PCDHGB7: variants seen among roughly 807,000 people sequenced by gnomAD.
The protein encoded by PCDHGB7 is protocadherin gamma-B7.
A neutral mutation model predicts 61.4 loss-of-function variants in PCDHGB7; 37 were observed. The observed-to-expected ratio is 0.60, with a 90% CI of 0.46 to 0.79. PCDHGB7 has a LOEUF of 0.79. PCDHGB7 is among the 30% of genes least tolerant of loss of function. The pLI is 0.00. For synonymous variants in PCDHGB7, 464 were observed against 503.5 expected (o/e 0.92, Z 1.05); for missense variants, 1,166 against 1,202.5 (o/e 0.97, Z 0.45).
chr5:141,432,622 G>A lies in PCDHGB7; in HGVS notation c.2415+12348G>A. 6.2e-7 allele frequency: 1 copy of A among 1,612,776 alleles called. No individual in the cohort carries two copies. The stretch of plus-strand genomic sequence containing the variant: ...AGCCGGGACTCTTCTCGGTGGGTCT[G>A]CACACGGGCGAGGTGCGCACGGCGC... On this transcript the variant is annotated intron_variant, in intron 1 of 3. Transcript: ENST00000398594. This position sits in a 1 kb window ranked among gnomAD's most constrained non-coding sequence, Gnocchi z 6.0.
Position 141,489,400 on chromosome 5 carries a change from T to A in PCDHGB7, c.2416-5407T>A. 6.2e-7 allele frequency: 1 copy of A among 1,614,134 alleles called. No individual in the cohort carries two copies. Among genetic ancestry groups the A allele is most frequent in the Non-Finnish European group, 8.5e-7 (1 of 1,180,020 alleles). On this transcript the variant is annotated intron_variant, in intron 1 of 3. Transcript: ENST00000398594. This position sits in a 1 kb window ranked among gnomAD's most constrained non-coding sequence, Gnocchi z 4.5. ...GGGGAATGTTGCTCAGGATCTGGGC[T>A]TAAAGATGACAGATCTGTTGAGCCG...
rs1014758036 is a variant in PCDHGB7 at position 141,486,472 on chromosome 5, T to C, written c.2416-8335T>C. The C allele has an allele frequency of 6.2e-7, 1 of 1,614,032 alleles. No homozygotes were observed. Among genetic ancestry groups the C allele is most frequent in the Non-Finnish European group, 8.5e-7 (1 of 1,179,862 alleles). ...TCACTGCTTCTGATGCTGGGAACCC[T>C]CCTCTCAGTACCCACAGAACTATTT... On this transcript the variant is annotated intron_variant, in intron 1 of 3. Coordinates refer to ENST00000398594, the MANE Select transcript of PCDHGB7 (RefSeq NM_018927.4). This position sits in a 1 kb window ranked among gnomAD's most constrained non-coding sequence, Gnocchi z 5.0.
At position 141,418,397 on chromosome 5, in the gene PCDHGB7, T is replaced by C. The variant is rs764404369; in HGVS notation, c.538T>C (p.Leu180=). 5.6e-6 allele frequency: 9 copies of C among 1,613,838 alleles called. No individual in the cohort carries two copies. Among genetic ancestry groups the C allele is most frequent in the South Asian group, 3.3e-5 (3 of 91,086 alleles). ...ACTAAGTCCTAACGAGTATTTCTCA[T>C]TGGTGGAGAAAGACAATCCTGATGG... ...YQLSPNEYFS[L]VEKDNPDGGK... The change falls in exon 1 of 4, where the codon TTG becomes CTG. Residue 180 remains leucine (L), a synonymous_variant. Coordinates refer to ENST00000398594, the MANE Select transcript of PCDHGB7 (RefSeq NM_018927.4).
chr5:141,447,181 G>C (rs442221), intron 1 of PCDHGB7, among the ~76,000 whole-genome samples: 152,246 of 152,338 alleles, frequency 1, 76,078 homozygotes, highest in Middle Eastern at 1. Context: ...CTCTTGTCGC[G>C]CAGGCTGGAG....
At position 141,511,940 on chromosome 5, in the gene PCDHGB7, G is replaced by A. The variant is rs2099884015; in HGVS notation, c.*767G>A. 1 of 154,118 alleles carries A rather than the reference G, an allele frequency of 6.5e-6. No homozygotes were observed. The highest frequency in any genetic ancestry group is 1.9e-4 in the East Asian group (1 of 5,214). 9.5% of individuals were successfully genotyped at this position (154,118 alleles called of 1,614,324 possible). ...TCCACTGCATGTTCCAAGACAGTAT[G>A]GGGTGGTAAGATAAGGAAGGGAAGT... On this transcript the variant is annotated 3_prime_UTR_variant, in exon 4 of 4. Coordinates refer to ENST00000398594, the MANE Select transcript of PCDHGB7 (RefSeq NM_018927.4).
At position 141,431,556 on chromosome 5, in the gene PCDHGB7, C is replaced by G. The variant is rs1561853752; in HGVS notation, c.2415+11282C>G. ...GGCACGCAGCTGCTTGTAGTCAACGCTACCGACCCTGACGAAGGAGTCAAT... is the reference window on the plus strand; with the variant it reads ...GGCACGCAGCTGCTTGTAGTCAACGGTACCGACCCTGACGAAGGAGTCAAT... On this transcript the variant is annotated intron_variant, in intron 1 of 3. Transcript: ENST00000398594. The surrounding 1 kb of genome is among the most constrained non-coding windows in gnomAD (Gnocchi z 4.8). 3 of 1,614,138 alleles carry G rather than the reference C, an allele frequency of 1.9e-6. No individual in the cohort carries two copies. The highest frequency in any genetic ancestry group is 2.5e-6 in the Non-Finnish European group (3 of 1,180,022).
chr5:141,441,867 G>T, intron 1 of PCDHGB7: 1 of 345,800 alleles, frequency 2.9e-6, no homozygotes, highest in Non-Finnish European at 5.6e-6. Flanking sequence ...ACGCCGCGGA[G>T]CCTGGCTACC....
chr5:141,455,158 T>TG (rs1279537888), intron 1 of PCDHGB7, among the ~76,000 whole-genome samples: 46 of 145,032 alleles, frequency 3.2e-4, no homozygotes, highest in African/African-American at 1.0e-3. Flanking sequence ...ATTAGTTTGT[T>TG]GGTTTTTTTT....
At chr5:141,495,852 TCTCA>T (rs1473070626) in intron 2 of PCDHGB7, among the ~76,000 whole-genome samples, 1 of 152,174 alleles carries the variant, frequency 6.6e-6, no homozygotes, top group Non-Finnish European at 1.5e-5. Flanking sequence ...TTTCTCTGTC[TCTCA>T]CTATTTCTGC....
chr5:141,487,802 C>G lies in PCDHGB7; in HGVS notation c.2416-7005C>G. On this transcript the variant is annotated intron_variant, in intron 1 of 3. Transcript: ENST00000398594. The surrounding 1 kb of genome is among the most constrained non-coding windows in gnomAD (Gnocchi z 5.0). ...TTTCGTGAATTAACCAGAGTTGTCACAGTTTAGCATTGGGGGCGGGTCATG... is the reference window on the plus strand; with the variant it reads ...TTTCGTGAATTAACCAGAGTTGTCAGAGTTTAGCATTGGGGGCGGGTCATG... 6.8e-7 allele frequency: 1 copy of G among 1,477,424 alleles called. No homozygotes were observed. The allele number at this position is 1,477,424 out of a possible 1,614,324, so 91.5% of individuals were successfully genotyped here.
At chr5:141,510,814 C>T in intron 3 of PCDHGB7, 133 bp from the exon 4 acceptor site, 2 of 1,544,688 alleles carry the variant, frequency 1.3e-6, no homozygotes, top group East Asian at 4.6e-5. Context: ...TTGGTGACCC[C>T]TATATTCCCA....
At position 141,421,448 on chromosome 5, in the gene PCDHGB7, A is replaced by G. The variant is rs772957069; in HGVS notation, c.2415+1174A>G. On this transcript the variant is annotated intron_variant, in intron 1 of 3. Coordinates refer to ENST00000398594, the MANE Select transcript of PCDHGB7 (RefSeq NM_018927.4). ...CGCATCGTCTCCAGAGGGAAGACAC[A>G]GCTTTTCGCTGTGAATCCGCGAAGC... The G allele has an allele frequency of 7.8e-5, 126 of 1,614,014 alleles. No individual in the cohort carries two copies. The highest frequency in any genetic ancestry group is 1.0e-4 in the Non-Finnish European group (119 of 1,179,944).
chr5:141,488,705 G>T (rs1024064135), intron 1 of PCDHGB7, among the ~76,000 whole-genome samples: 1 of 152,200 alleles, frequency 6.6e-6, no homozygotes, highest in Non-Finnish European at 1.5e-5. Context: ...AGATTTTGCT[G>T]GTTCAAGCAA....
chr5:141,417,871 C>T lies in PCDHGB7; in HGVS notation c.12C>T (p.Ser4=), dbSNP rs1317007566. The part of the protein sequence containing the change: MGG[S]CAQRRRAGPR... ...AACCCGAGCGAACGATGGGAGGGAG[C>T]TGCGCGCAGAGGCGCCGGGCCGGCC... Residue 4 remains serine (S), a synonymous_variant, in exon 1 of 4, where the codon AGC becomes AGT. Transcript: ENST00000398594. 1 of 1,554,006 alleles carries T rather than the reference C, an allele frequency of 6.4e-7. No individual in the cohort carries two copies. The highest frequency in any genetic ancestry group is 1.4e-5 in the African/African-American group (1 of 73,222).
intron 2 of PCDHGB7, among the ~76,000 whole-genome samples, chr5:141,498,604 C>G (rs1445417630): frequency 6.6e-6 from 1 of 152,122 alleles, no homozygotes; most frequent in East Asian, 1.9e-4. Flanking sequence ...GGTTCAAGTT[C>G]AAGTCAGCAC....
chr5:141,432,600 C>T lies in PCDHGB7; in HGVS notation c.2415+12326C>T, dbSNP rs901310090. The T allele has an allele frequency of 1.9e-6, 3 of 1,613,832 alleles. No individual in the cohort carries two copies. The East Asian group carries it at 6.7e-5, about 36-fold the overall frequency. ...TACCGTCTGCTCAAGGCCAGCGAGCCGGGACTCTTCTCGGTGGGTCTGCAC... is the reference window on the plus strand; with the variant it reads ...TACCGTCTGCTCAAGGCCAGCGAGCTGGGACTCTTCTCGGTGGGTCTGCAC... On this transcript the variant is annotated intron_variant, in intron 1 of 3. Transcript: ENST00000398594. The surrounding 1 kb of genome is among the most constrained non-coding windows in gnomAD (Gnocchi z 6.0).
At position 141,512,644 on chromosome 5, in the gene PCDHGB7, G is replaced by T. The variant is rs1283774989; in HGVS notation, c.*1471G>T. Reference sequence around the variant, plus strand: ...ACCCCAGACCTGCCCTTACAGTAGTGTAGCGCCCCCTCCCTCTTTCGGCTG... The same window carrying T: ...ACCCCAGACCTGCCCTTACAGTAGTTTAGCGCCCCCTCCCTCTTTCGGCTG... On this transcript the variant is annotated 3_prime_UTR_variant, in exon 4 of 4. Coordinates refer to ENST00000398594, the MANE Select transcript of PCDHGB7 (RefSeq NM_018927.4). 1 of 152,528 alleles carries T rather than the reference G, an allele frequency of 6.6e-6. No individual in the cohort carries two copies. The allele number at this position is 152,528 out of a possible 1,614,324, so 9.4% of individuals were successfully genotyped here.
rs1161697588 is a variant in PCDHGB7, at chr5:141,491,464, T to C, written c.2416-3343T>C. 7 of 1,613,982 alleles carry C rather than the reference T, an allele frequency of 4.3e-6. No homozygotes were observed. In the African/African-American group the frequency reaches 9.3e-5, roughly 22 times the overall value. On this transcript the variant is annotated intron_variant, in intron 1 of 3. Transcript: ENST00000398594. This position sits in a 1 kb window ranked among gnomAD's most constrained non-coding sequence, Gnocchi z 6.9. ...CCAGGACTCACCCTCCCCGGACTTCTATAAGCAGTCCAGCCCCAACCTGCA... is the reference window on the plus strand; with the variant it reads ...CCAGGACTCACCCTCCCCGGACTTCCATAAGCAGTCCAGCCCCAACCTGCA...
At chr5:141,433,212 T>C (rs747556366) in intron 1 of PCDHGB7, 75 of 1,570,956 alleles carry the variant, frequency 4.8e-5, no homozygotes, top group Non-Finnish European at 6.2e-5. Flanking sequence ...TTCTTTCTTT[T>C]TTTTTTTTAA....
Sources: allele counts gnomAD v4.1 joint callset (sites outside exome capture counted in the v4.1 genomes callset), GRCh38; gene constraint gnomAD v4.1.1; non-coding constraint Gnocchi (gnomAD v3.1); transcripts MANE v1.5; gene names NCBI Gene and HGNC (gene_info 2026-07-23, HGNC 2026-07-21).